Variants in ALMS1 observed in about 807,000 individuals in gnomAD.
The protein encoded by ALMS1 is centrosome-associated protein ALMS1.
In ALMS1, 271 loss-of-function variants were observed where a neutral mutation model predicts 352.2. The observed-to-expected ratio is 0.77, with a 90% CI of 0.70 to 0.85. The LOEUF (loss-of-function observed/expected upper bound fraction) is 0.85. Ranked by LOEUF, ALMS1 falls within the 40% of genes least tolerant of loss-of-function variation. The pLI, the probability that ALMS1 is intolerant of heterozygous loss-of-function variation, is 0.00. For missense variants in ALMS1, 5,445 were observed against 4,870.7 expected, an observed-to-expected ratio of 1.12 and a Z score of -3.51; for synonymous variants, 1,865 against 1,761.2, an observed-to-expected ratio of 1.06 and a Z score of -1.48.
chr2:73,401,042 C>T (rs1166088702), intron 1 of ALMS1, among the ~76,000 whole-genome samples: 3 of 152,218 alleles, frequency 2.0e-5, no homozygotes, highest in Non-Finnish European at 4.4e-5. Flanking sequence ...CCACCCTGGC[C>T]TTCCAAAGTG....
intron 12 of ALMS1, among the ~76,000 whole-genome samples, chr2:73,538,629 T>C (rs1674085812): frequency 6.6e-6 from 1 of 152,090 alleles, no homozygotes; most frequent in African/African-American, 2.4e-5. Flanking sequence ...GAATTCCCTT[T>C]GCTAGCCAAG....
chr2:73,414,473 G>GTTTTTTTTTTTTGTTTTTTTTTTTT (rs1671141331), intron 2 of ALMS1, among the ~76,000 whole-genome samples: 6 of 66,414 alleles, frequency 9.0e-5, no homozygotes, highest in East Asian at 9.3e-4. Flanking sequence ...CTTTTTTTCC[G>GTTTTTTTTTTTTGTTTTTTTTTTTT]TTTTTTTTTT....
chr2:73,464,934 T>G (rs1374059968), intron 9 of ALMS1, among the ~76,000 whole-genome samples: 7 of 152,044 alleles, frequency 4.6e-5, no homozygotes, highest in East Asian at 1.9e-4. Flanking sequence ...CACTGCTCAA[T>G]GAAATAAAAG....
chr2:73,438,437 G>A lies in ALMS1; in HGVS notation c.1432+6146G>A, dbSNP rs550375782. Among the ~76,000 whole-genome samples, 4 of 152,312 alleles carry A rather than the reference G, an allele frequency of 2.6e-5. No individual in the cohort carries two copies. The East Asian group carries it at 5.8e-4, about 22-fold the overall frequency. Reference sequence around the variant, plus strand: ...AGATTACAAGATAAATTGGAAACAAGTTTGGATCTGGATTATTGAAAAAGA... The same window carrying A: ...AGATTACAAGATAAATTGGAAACAAATTTGGATCTGGATTATTGAAAAAGA... On this transcript the variant is annotated intron_variant, in intron 7 of 22. Transcript: ENST00000613296.
intron 7 of ALMS1, among the ~76,000 whole-genome samples, chr2:73,438,573 T>G (rs1419314995): frequency 6.6e-6 from 1 of 152,150 alleles, no homozygotes; most frequent in African/African-American, 2.4e-5. Context: ...GTTGAACAAA[T>G]GGGAAATAGG....
chr2:73,594,990 T>C (rs1261937565), intron 16 of ALMS1, among the ~76,000 whole-genome samples: 4 of 152,262 alleles, frequency 2.6e-5, no homozygotes. Context: ...ATTCAGTGAC[T>C]GGACCATGTC....
chr2:73,385,777 T>G, upstream of ALMS1: 1 of 607,814 alleles, frequency 1.6e-6, no homozygotes, highest in Non-Finnish European at 2.9e-6. Flanking sequence ...GCACTGCGCC[T>G]AAGCTGGGCC....
At chr2:73,457,684 G>A (rs941141220) in intron 9 of ALMS1, among the ~76,000 whole-genome samples, 1 of 151,910 alleles carries the variant, frequency 6.6e-6, no homozygotes, top group Non-Finnish European at 1.5e-5. Context: ...TATTTGATAA[G>A]TATTTTTATC....
At position 73,606,460 on chromosome 2, in the gene ALMS1, C is replaced by A. The variant is rs185769420; in HGVS notation, c.12363-2015C>A. ...CAAGAGCAGTCCCTGCTGTAAGGGA[C>A]TAGGAAGCTTGCCTACAGGAAGACA... On this transcript the variant is annotated intron_variant, in intron 21 of 22. Coordinates refer to ENST00000613296, the MANE Select transcript of ALMS1 (RefSeq NM_001378454.1). Among the ~76,000 whole-genome samples, 3 of 152,324 alleles carry A rather than the reference C, an allele frequency of 2.0e-5. No homozygotes were observed. The East Asian group carries it at 5.8e-4, about 29-fold the overall frequency.
chr2:73,497,559 T>C (rs1673135049), intron 10 of ALMS1, among the ~76,000 whole-genome samples: 1 of 152,090 alleles, frequency 6.6e-6, no homozygotes. Flanking sequence ...GTTAACACTA[T>C]ACTGTACTCT....
chr2:73,406,598 A>G (rs1294749863), intron 1 of ALMS1, among the ~76,000 whole-genome samples: 1 of 152,094 alleles, frequency 6.6e-6, no homozygotes, highest in Non-Finnish European at 1.5e-5. Flanking sequence ...TGTAGTTACC[A>G]TGAGAATATC....
chr2:73,554,487 C>T (rs560150061), intron 13 of ALMS1, among the ~76,000 whole-genome samples: 6 of 151,230 alleles, frequency 4.0e-5, no homozygotes, highest in South Asian at 4.2e-4. Flanking sequence ...GGGTGGATCA[C>T]GAGGTCAGGA....
chr2:73,550,557 T>G (rs1001626658), intron 13 of ALMS1, 120 bp downstream of exon 13: 3 of 1,328,216 alleles, frequency 2.3e-6, no homozygotes, highest in Non-Finnish European at 3.1e-6. Flanking sequence ...CTCCTTGCTG[T>G]TATATTGAGC....
At chr2:73,604,080 A>T (rs1390096556) in intron 21 of ALMS1, 1 of 152,226 alleles carries the variant, frequency 6.6e-6, no homozygotes, top group African/African-American at 2.4e-5. Context: ...ATTTGTGCCT[A>T]TGTAGATGTG....
intron 12 of ALMS1, among the ~76,000 whole-genome samples, chr2:73,544,696 A>G (rs942830972): frequency 6.6e-6 from 1 of 152,184 alleles, no homozygotes; most frequent in Non-Finnish European, 1.5e-5. Context: ...CAGTAATTCC[A>G]CTTTTAAATA....
At chr2:73,605,937 T>C (rs1018295089) in intron 21 of ALMS1, among the ~76,000 whole-genome samples, 8 of 152,220 alleles carry the variant, frequency 5.3e-5, no homozygotes, top group Non-Finnish European at 8.8e-5. Flanking sequence ...AGTATTGCAG[T>C]AACTTCTCTC....
At chr2:73,575,386 C>T (rs1185213726) in intron 16 of ALMS1, among the ~76,000 whole-genome samples, 1 of 152,154 alleles carries the variant, frequency 6.6e-6, no homozygotes, top group African/African-American at 2.4e-5. Flanking sequence ...AAGGGTTCCT[C>T]CAACCCTCCT....
chr2:73,502,734 C>T (rs1373141693), intron 10 of ALMS1, among the ~76,000 whole-genome samples: 3 of 152,182 alleles, frequency 2.0e-5, no homozygotes, highest in East Asian at 3.9e-4. Context: ...AAATTGTCAT[C>T]TTTACTGAAT....
intron 16 of ALMS1, among the ~76,000 whole-genome samples, chr2:73,594,765 C>T (rs990742664): frequency 1.3e-5 from 2 of 152,222 alleles, no homozygotes; most frequent in Non-Finnish European, 2.9e-5. Flanking sequence ...CTCTGCCTCT[C>T]GGACCCCCAC....
Sources: allele counts gnomAD v4.1 joint callset (sites outside exome capture counted in the v4.1 genomes callset), GRCh38; gene constraint gnomAD v4.1.1; transcripts MANE v1.5; gene names NCBI Gene and HGNC (gene_info 2026-07-23, HGNC 2026-07-21).